CACNA1E: variants seen among roughly 807,000 people sequenced by gnomAD.
The protein encoded by CACNA1E is voltage-dependent R-type calcium channel subunit alpha-1E.
CACNA1E carries 40 observed loss-of-function variants against 259.2 expected under a neutral mutation model. The observed-to-expected ratio is 0.15, with a 90% confidence interval of 0.12 to 0.20. CACNA1E has a LOEUF of 0.20. Among genes scored for constraint, CACNA1E ranks in the 10% least tolerant of loss-of-function variants. CACNA1E has a pLI of 1.00. For missense variants in CACNA1E, 1,874 were observed against 3,040.1 expected (o/e 0.62, Z 9.02); for synonymous variants, 1,104 against 1,138.5 (o/e 0.97, Z 0.61).
At chr1:181,605,457 T>C (rs1190080705) in intron 6 of CACNA1E, among the ~76,000 whole-genome samples, 1 of 151,964 alleles carries the variant, frequency 6.6e-6, no homozygotes, top group Non-Finnish European at 1.5e-5. Flanking sequence ...GAGAAGAGTA[T>C]CGTATTGTGT....
At chr1:181,663,986 G>A (rs556047070) in intron 7 of CACNA1E, among the ~76,000 whole-genome samples, 3 of 152,136 alleles carry the variant, frequency 2.0e-5, no homozygotes, top group African/African-American at 4.8e-5. Flanking sequence ...GCAATTGTGG[G>A]CAAATAAGGC....
intron 6 of CACNA1E, among the ~76,000 whole-genome samples, chr1:181,643,704 C>T (rs1316762963): frequency 3.9e-5 from 6 of 152,162 alleles, no homozygotes; most frequent in Admixed American, 3.9e-4. Context: ...GCTGCATTTT[C>T]CCACTGGCAA....
intron 6 of CACNA1E, among the ~76,000 whole-genome samples, chr1:181,637,083 A>G (rs1294592373): frequency 6.6e-6 from 1 of 152,210 alleles, no homozygotes; most frequent in Admixed American, 6.5e-5. Context: ...CACAGTCCAC[A>G]TTCATGTTGA....
At position 181,462,655 on chromosome 1, in the gene CACNA1E, T is replaced by C. The variant is rs572298748; in HGVS notation, c.435-21089T>C. Among the ~76,000 whole-genome samples, 173 of 152,334 alleles carry C rather than the reference T, an allele frequency of 1.1e-3. 1 individual carries two copies. Among genetic ancestry groups the C allele is most frequent in the South Asian group, 2.9e-3 (14 of 4,826 alleles). ...TCCGGAAGTCATCACTCCTCTGAGA[T>C]TGATATTTCATTACCATGTGCATTT... On this transcript the variant is annotated intron_variant, in intron 2 of 11. Coordinates refer to the CACNA1E transcript ENST00000524607.
At chr1:181,580,492 T>C in intron 5 of CACNA1E, 103 bp from the exon 6 acceptor site, 2 of 1,136,224 alleles carry the variant, frequency 1.8e-6, no homozygotes. Context: ...CAGGCCTCTT[T>C]CCGTGGGGGA....
chr1:181,594,069 T>G (rs1323808368), intron 6 of CACNA1E, among the ~76,000 whole-genome samples: 1 of 152,198 alleles, frequency 6.6e-6, no homozygotes, highest in African/African-American at 2.4e-5. Flanking sequence ...AGAACATCAT[T>G]GCGAGCATAG....
intron 1 of CACNA1E, among the ~76,000 whole-genome samples, chr1:181,376,341 C>T (rs1014200315): frequency 1.2e-4 from 19 of 152,182 alleles, no homozygotes; most frequent in African/African-American, 4.3e-4. Flanking sequence ...GCCTTTCTGG[C>T]GCAGAGGCAA....
At chr1:181,439,841 G>A (rs1049924344) in intron 2 of CACNA1E, among the ~76,000 whole-genome samples, 1 of 152,154 alleles carries the variant, frequency 6.6e-6, no homozygotes, top group African/African-American at 2.4e-5. Flanking sequence ...TACTTAAGAA[G>A]TACCTTTCGG....
chr1:181,645,872 A>G (rs903958587), intron 6 of CACNA1E, among the ~76,000 whole-genome samples: 1 of 152,206 alleles, frequency 6.6e-6, no homozygotes, highest in Non-Finnish European at 1.5e-5. Context: ...GCTCCAAGAC[A>G]TGGAATCCAA....
chr1:181,687,579 G>A (rs1478703508), intron 7 of CACNA1E, among the ~76,000 whole-genome samples: 1 of 152,114 alleles, frequency 6.6e-6, no homozygotes, highest in Non-Finnish European at 1.5e-5. Flanking sequence ...AAATAAAGAT[G>A]GCTTCTGAGT....
rs185136131 is a variant in CACNA1E, at chr1:181,506,485, T to C, written c.267-3992T>C. 6.6e-5 allele frequency among the ~76,000 whole-genome samples: 10 copies of C among 152,324 alleles called. No individual in the cohort carries two copies. In the East Asian group the frequency reaches 7.7e-4, roughly 12 times the overall value. The stretch of plus-strand genomic sequence containing the variant: ...TGCCTCATGTTCATTCTTACCTGCA[T>C]TGAACATTGACTAAGCTCCTACTAT... On this transcript the variant is annotated intron_variant, in intron 1 of 47. Transcript: ENST00000367573.
intron 40 of CACNA1E, 26 bp downstream of exon 40, chr1:181,783,810 G>A: frequency 1.4e-6 from 2 of 1,454,860 alleles, no homozygotes; most frequent in Non-Finnish European, 9.7e-7. Context: ...GAAGGGAGGT[G>A]GGAAGGAGGA....
At chr1:181,642,239 T>A (rs761447310) in intron 6 of CACNA1E, among the ~76,000 whole-genome samples, 75 of 152,160 alleles carry the variant, frequency 4.9e-4, no homozygotes, top group Admixed American at 9.2e-4. Flanking sequence ...CAAGATGCTG[T>A]GATTCCTTCC....
At chr1:181,608,731 C>T (rs140654370) in intron 6 of CACNA1E, among the ~76,000 whole-genome samples, 127 of 152,310 alleles carry the variant, frequency 8.3e-4, no homozygotes, top group African/African-American at 3.0e-3. Context: ...TTCTCCCTCT[C>T]CTCTATTCTA....
chr1:181,724,799 G>T (rs1654747584), intron 17 of CACNA1E, among the ~76,000 whole-genome samples: 1 of 152,204 alleles, frequency 6.6e-6, no homozygotes, highest in Non-Finnish European at 1.5e-5. Context: ...AGCCCTCAAA[G>T]GAGTCCTTTC....
At chr1:181,742,861 T>C (rs965159427) in intron 25 of CACNA1E, among the ~76,000 whole-genome samples, 6 of 152,180 alleles carry the variant, frequency 3.9e-5, no homozygotes, top group African/African-American at 1.4e-4. Context: ...ACGTTTATAA[T>C]GTAAAGCTGG....
chr1:181,561,900 G>A lies in CACNA1E; in HGVS notation c.513-15866G>A, dbSNP rs557038236. On this transcript the variant is annotated intron_variant, in intron 3 of 47. Transcript: ENST00000367573. ...TCTAAGCAGCATTTAATATTATCAG[G>A]CTTTTTATTGTTTTGGTTTGGTTTG... 2.0e-5 allele frequency among the ~76,000 whole-genome samples: 3 copies of A among 152,160 alleles called. No individual in the cohort carries two copies. In the East Asian group the frequency reaches 5.8e-4, roughly 29 times the overall value.
chr1:181,720,706 A>G, intron 14 of CACNA1E, 77 bp from the exon 15 acceptor site: 1 of 846,120 alleles, frequency 1.2e-6, no homozygotes, highest in Non-Finnish European at 2.0e-6. Context: ...GAAGTGATGA[A>G]AGCTGTGATC....
chr1:181,717,295 C>G lies in CACNA1E; in HGVS notation c.1518C>G (p.His506Gln), dbSNP rs748405899. The change falls in exon 11 of 48, where the codon CAC becomes CAG. Residue 506 changes from histidine to glutamine, a missense_variant. His to Gln is a conservative substitution (Grantham distance 24). This residue lies in a region of CACNA1E where 157 missense variants were observed against 203.5 expected (regional missense o/e 0.77). Transcript: ENST00000367573. ...VHHNQPQWLTHLLYYAEFLFL... is the reference protein window; with the variant it reads ...VHHNQPQWLTQLLYYAEFLFL... ...ACAACCAGCCCCAGTGGCTCACCCA[C>G]CTCCTCTGTAAGTAAAGCCTCTCTC... is the stretch of plus-strand genomic sequence containing the variant. The G allele has an allele frequency of 6.2e-7, 1 of 1,612,860 alleles. No individual in the cohort carries two copies. The highest frequency in any genetic ancestry group is 1.7e-5 in the Admixed American group (1 of 60,022).
Sources: gnomAD v4.1 joint callset for allele counts (sites outside exome capture counted in the v4.1 genomes callset) on GRCh38, gnomAD v4.1.1 for gene constraint, gnomAD v4.1.1 regional missense constraint, MANE v1.5 for transcripts, NCBI Gene and HGNC (gene_info 2026-07-23, HGNC 2026-07-21) for gene names.